KDM4B: variants seen among roughly 807,000 people sequenced by gnomAD.
KDM4B encodes the protein lysine demethylase 4B, also known as lysine-specific demethylase 4B.
KDM4B carries 32 observed loss-of-function variants against 125.2 expected under a neutral mutation model. That is an observed-to-expected ratio of 0.26 (90% CI 0.19 to 0.34). KDM4B has a LOEUF of 0.34. Ranked by LOEUF, KDM4B falls within the 10% of genes least tolerant of loss-of-function variation. The pLI is 1.00. For synonymous variants in KDM4B, 721 were observed against 677.9 expected, an observed-to-expected ratio of 1.06 and a Z score of -0.99; for missense variants, 1,190 against 1,577.7, an observed-to-expected ratio of 0.75 and a Z score of 4.16.
chr19:5,070,746 A>G (rs2037920025), intron 6 of KDM4B: 2 of 400,648 alleles, frequency 5.0e-6, no homozygotes, highest in Non-Finnish European at 9.0e-6. Context: ...GAGCATCCCC[A>G]CTCCTGGCTT....
rs191863506 is a variant in KDM4B, at chr19:5,004,455, C to T, written c.-108-11802C>T. On this transcript the variant is annotated intron_variant, in intron 1 of 22. Coordinates refer to ENST00000159111, the MANE Select transcript of KDM4B (RefSeq NM_015015.3). ...CCCCGGGCTCATACACCTCTACCCA[C>T]GATCCAGAGACGGATCGTCAGGCCC... Among the ~76,000 whole-genome samples, 53 of 152,308 alleles carry T rather than the reference C, an allele frequency of 3.5e-4. No individual in the cohort carries two copies. The East Asian group carries it at 9.5e-3, about 27-fold the overall frequency.
chr19:5,137,561 A>G (rs1018709317), intron 16 of KDM4B, 60 bp from the exon 17 acceptor site: 5 of 1,510,454 alleles, frequency 3.3e-6, no homozygotes, highest in Admixed American at 1.8e-5. Context: ...TCAGGCCCCA[A>G]GCAGTGTGTG....
rs566175691 is a variant in KDM4B at position 5,120,323 on chromosome 19, AAATAAT to A, written c.1315+483_1315+488del. Among the ~76,000 whole-genome samples, 657 of 152,308 alleles carry A rather than the reference AAATAAT, an allele frequency of 4.3e-3. 3 individuals carry two copies. Among genetic ancestry groups the A allele is most frequent in the Admixed American group, 4.4e-3 (67 of 15,306 alleles). On this transcript the variant is annotated intron_variant, in intron 11 of 22. Coordinates refer to ENST00000159111, the MANE Select transcript of KDM4B (RefSeq NM_015015.3). The stretch of plus-strand genomic sequence containing the variant: ...AACAGAGCAAGACCCAGTATCACAA[AAATAAT>A]AATAATAATAAAAGACCAGGATGCT...
intron 9 of KDM4B, among the ~76,000 whole-genome samples, chr19:5,100,677 A>G (rs575328762): frequency 6.6e-6 from 1 of 152,228 alleles, no homozygotes; most frequent in Non-Finnish European, 1.5e-5. Flanking sequence ...CGGCCTCTCA[A>G]AGTGCTGGGA....
chr19:5,046,121 G>A (rs1000584389), intron 5 of KDM4B, among the ~76,000 whole-genome samples: 1 of 152,238 alleles, frequency 6.6e-6, no homozygotes, highest in Non-Finnish European at 1.5e-5. Flanking sequence ...GGCCTGCACT[G>A]CCTGCACTTG....
At chr19:5,021,456 G>GT (rs2036116734) in intron 2 of KDM4B, among the ~76,000 whole-genome samples, 2 of 152,064 alleles carry the variant, frequency 1.3e-5, no homozygotes, top group Non-Finnish European at 1.5e-5. Flanking sequence ...AGTACTGGGT[G>GT]TGGTGGCATG....
chr19:5,093,835 C>T (rs1316111225), intron 9 of KDM4B, among the ~76,000 whole-genome samples: 3 of 152,222 alleles, frequency 2.0e-5, no homozygotes, highest in Admixed American at 2.0e-4. Flanking sequence ...GGAGACAGGA[C>T]ACGAACAAGG....
chr19:5,026,847 GC>G (rs1343382364), intron 2 of KDM4B, among the ~76,000 whole-genome samples: 1 of 152,166 alleles, frequency 6.6e-6, no homozygotes, highest in Non-Finnish European at 1.5e-5. Context: ...CCCTACCCCT[GC>G]CCTGGTGTCC....
intron 9 of KDM4B, among the ~76,000 whole-genome samples, chr19:5,095,175 ACCGC>A (rs1226958284): frequency 6.6e-6 from 1 of 151,912 alleles, no homozygotes; most frequent in African/African-American, 2.4e-5. Flanking sequence ...CGGCTGTAGA[ACCGC>A]CCGCTGGTGG....
At chr19:5,143,726 G>C (rs1405511478) in intron 18 of KDM4B, among the ~76,000 whole-genome samples, 3 of 152,148 alleles carry the variant, frequency 2.0e-5, no homozygotes, top group African/African-American at 4.8e-5. Flanking sequence ...GTGACATGCA[G>C]GGGGGATGGG....
intron 9 of KDM4B, among the ~76,000 whole-genome samples, chr19:5,090,062 C>T (rs1336927344): frequency 8.5e-5 from 13 of 152,060 alleles, no homozygotes; most frequent in East Asian, 1.9e-4. Context: ...CAAAGCCTGG[C>T]CCCCTTCCTC....
At chr19:5,075,421 A>G (rs1268109150) in intron 7 of KDM4B, 1 of 152,248 alleles carries the variant, frequency 6.6e-6, no homozygotes, top group Non-Finnish European at 1.5e-5. Flanking sequence ...TCACCTTGTG[A>G]TTTGGAAACA....
At chr19:5,124,300 G>T (rs181128430) in intron 11 of KDM4B, among the ~76,000 whole-genome samples, 2 of 152,188 alleles carry the variant, frequency 1.3e-5, no homozygotes, top group South Asian at 4.1e-4. Context: ...GGCCGGCGCG[G>T]TGGGGGAAAT....
chr19:5,119,832 G>T lies in KDM4B; in HGVS notation c.1295G>T (p.Arg432Leu). The change falls in exon 11 of 23, where the codon CGG becomes CTG. Residue 432 changes from arginine (R) to leucine (L), a missense_variant. Physicochemically the swap from Arg to Leu is moderately radical, Grantham distance 102. Around this residue, in one of 7 missense-constraint regions of KDM4B, gnomAD observed 428 missense variants for 405.1 expected, o/e 1.06. Coordinates refer to ENST00000159111, the MANE Select transcript of KDM4B (RefSeq NM_015015.3). ...EEEPQPLPHG[R>L]EAEGAEEDGR... ...GAGCCGCAGCCACTGCCACACGGCC[G>T]GGAGGCCGAGGGCGCAGAAGGTCAG... 2 of 1,545,460 alleles carry T rather than the reference G, an allele frequency of 1.3e-6. No homozygotes were observed. The highest frequency in any genetic ancestry group is 1.2e-5 in the South Asian group (1 of 83,522).
rs370674051 is a variant in KDM4B, at chr19:4,978,363, C to T, written c.-109+9133C>T. ...CTCTACTAAAAATGCAAAACTTAGC[C>T]GGGCGCGGTGGCACGTGCCTGTAAT... On this transcript the variant is annotated intron_variant, in intron 1 of 22. Coordinates refer to ENST00000159111, the MANE Select transcript of KDM4B (RefSeq NM_015015.3). Among the ~76,000 whole-genome samples the T allele has an allele frequency of 3.2e-4, 48 of 151,822 alleles. No homozygotes were observed. The South Asian group carries it at 8.3e-3, about 26-fold the overall frequency.
chr19:5,092,945 C>G (rs982189555), intron 9 of KDM4B, among the ~76,000 whole-genome samples: 2 of 152,204 alleles, frequency 1.3e-5, no homozygotes. Flanking sequence ...CCCTGTACCC[C>G]TGACCACATG....
At position 5,131,150 on chromosome 19, in the gene KDM4B, C is replaced by T. The variant is rs773651402; in HGVS notation, c.1390C>T (p.Pro464Ser). Residue 464 changes from proline (P) to serine (S), a missense_variant, in exon 12 of 23, where the codon CCA becomes TCA. Pro to Ser is a moderately conservative substitution (Grantham distance 74, BLOSUM62 -1). Around this residue, in one of 7 missense-constraint regions of KDM4B, gnomAD observed 428 missense variants for 405.1 expected, o/e 1.06. Coordinates refer to ENST00000159111, the MANE Select transcript of KDM4B (RefSeq NM_015015.3). ...RKKKSFGLLP[P>S]QLPPPPAHFP... is the part of the protein sequence containing the mutation. ...GAAGAAGAGCTTCGGCCTGCTGCCC[C>T]CACAGCTGCCGCCCCCGCCTGCTCA... The T allele has an allele frequency of 1.8e-5, 28 of 1,554,576 alleles. 1 individual carries two copies. In the Admixed American group the frequency reaches 2.1e-4, roughly 12 times the overall value.
intron 1 of KDM4B, among the ~76,000 whole-genome samples, chr19:4,988,255 A>G (rs62114279): frequency 0.27 from 40,925 of 151,988 alleles, 6,530 homozygotes; most frequent in East Asian, 0.69. Context: ...CGCGCTGGAA[A>G]CCAGCCTTCT....
chr19:5,001,629 G>C (rs900895262), intron 1 of KDM4B, among the ~76,000 whole-genome samples: 4 of 151,598 alleles, frequency 2.6e-5, no homozygotes, highest in Non-Finnish European at 5.9e-5. Context: ...GGTCAGAAGT[G>C]CAGACATATT....
Sources: allele counts gnomAD v4.1 joint callset (sites outside exome capture counted in the v4.1 genomes callset), GRCh38; gene constraint gnomAD v4.1.1; regional missense constraint gnomAD v4.1.1; transcripts MANE v1.5; gene names NCBI Gene and HGNC (gene_info 2026-07-23, HGNC 2026-07-21).